Variants in ZNF257 observed in about 807,000 individuals in gnomAD.
ZNF257 encodes zinc finger protein 257, also known as bone marrow zinc finger 4.
ZNF257 carries 12 observed loss-of-function variants against 11.9 expected under a neutral mutation model. That is an observed-to-expected ratio of 1.01 (90% confidence interval 0.65 to 1.63). The LOEUF is 1.63. Ranked by LOEUF, ZNF257 falls within the 40% of genes most tolerant of loss-of-function variation. The probability of loss-of-function intolerance (pLI) is 0.00; values close to 1 mark genes in which losing one functional copy is unlikely to be tolerated. For missense variants in ZNF257, 580 were observed against 665.5 expected, an observed-to-expected ratio of 0.87 and a Z score of 1.41; for synonymous variants, 183 against 222.7, an observed-to-expected ratio of 0.82 and a Z score of 1.59.
chr19:22,085,047 TTTG>T (rs1484007329), intron 3 of ZNF257, among the ~76,000 whole-genome samples: 1 of 150,848 alleles, frequency 6.6e-6, no homozygotes, highest in Non-Finnish European at 1.5e-5. Flanking sequence ...AGTTTTTTTT[TTTG>T]TTGTTGTTGT....
At chr19:22,082,859 G>T (rs979169370) in intron 3 of ZNF257, among the ~76,000 whole-genome samples, 2 of 152,192 alleles carry the variant, frequency 1.3e-5, no homozygotes, top group East Asian at 3.9e-4. Flanking sequence ...TTATAATTGT[G>T]TATGACAATA....
At chr19:22,056,593 G>A (rs1217697721) in intron 1 of ZNF257, among the ~76,000 whole-genome samples, 1 of 149,828 alleles carries the variant, frequency 6.7e-6, no homozygotes, top group Non-Finnish European at 1.5e-5. Flanking sequence ...CTCCTGCCTC[G>A]GCCTCCCGAG....
chr19:22,084,599 A>G (rs2022432389), intron 3 of ZNF257, among the ~76,000 whole-genome samples: 4 of 152,022 alleles, frequency 2.6e-5, no homozygotes, highest in Admixed American at 2.6e-4. Context: ...TACAATATTA[A>G]TTATTTTAAC....
In ZNF257 at chr19:22,061,501, T is replaced by C. The variant is rs1026637820; in HGVS notation, c.3+8866T>C. Among the ~76,000 whole-genome samples, 5 of 152,342 alleles carry C rather than the reference T, an allele frequency of 3.3e-5. No homozygotes were observed. In the East Asian group the frequency reaches 9.7e-4, roughly 29 times the overall value. On this transcript the variant is annotated intron_variant, in intron 1 of 3. Coordinates refer to ENST00000594947, the MANE Select transcript of ZNF257 (RefSeq NM_033468.4). ...ACATTTATTTTGTATCCTGAAACTT[T>C]TCTGCAGTTGTTTGTCAGTTTAAAG...
At chr19:22,078,328 A>G (rs1414754078) in intron 3 of ZNF257, among the ~76,000 whole-genome samples, 1 of 151,536 alleles carries the variant, frequency 6.6e-6, no homozygotes, top group Non-Finnish European at 1.5e-5. Context: ...TCTCTACAAA[A>G]TAGTTATTTT....
chr19:22,053,556 T>C (rs1467826056), intron 1 of ZNF257, among the ~76,000 whole-genome samples: 1 of 152,156 alleles, frequency 6.6e-6, no homozygotes, highest in Non-Finnish European at 1.5e-5. Context: ...TTCCTTGTTA[T>C]GTAATCAGAG....
Position 22,081,364 on chromosome 19 carries a change from G to A in ZNF257, c.227-6613G>A, listed in dbSNP as rs920292537. On this transcript the variant is annotated intron_variant, in intron 3 of 3. Coordinates refer to ENST00000594947, the MANE Select transcript of ZNF257 (RefSeq NM_033468.4). ...CCATAATTATGTCTACCATAATTAT[G>A]CCTACCCACCCAATTATAATTACTA... 3.3e-5 allele frequency among the ~76,000 whole-genome samples: 5 copies of A among 151,578 alleles called. No individual in the cohort carries two copies. The South Asian group carries it at 1.0e-3, about 32-fold the overall frequency.
At position 22,055,979 on chromosome 19, in the gene ZNF257, C is replaced by T. The variant is rs997952477; in HGVS notation, c.3+3344C>T. Among the ~76,000 whole-genome samples the T allele has an allele frequency of 2.0e-5, 3 of 147,620 alleles. No homozygotes were observed. In the Admixed American group the frequency reaches 2.1e-4, roughly 10 times the overall value. On this transcript the variant is annotated intron_variant, in intron 1 of 3. Coordinates refer to ENST00000594947, the MANE Select transcript of ZNF257 (RefSeq NM_033468.4). Reference sequence around the variant, plus strand: ...CTGAGGCAGGAGAATGGCGTGAACCCGGGAGGCGGAGCTTGCAGTGAGCCG... The same window carrying T: ...CTGAGGCAGGAGAATGGCGTGAACCTGGGAGGCGGAGCTTGCAGTGAGCCG...
At position 22,088,851 on chromosome 19, in the gene ZNF257, T is replaced by C. The variant is rs745458145; in HGVS notation, c.1101T>C (p.Thr367=). 5.6e-6 allele frequency: 9 copies of C among 1,613,404 alleles called. No homozygotes were observed. The highest frequency in any genetic ancestry group is 1.3e-5 in the African/African-American group (1 of 74,852). ...SHLTQHKIIH[T]KEKPYKCEEC... is the part of the protein sequence containing the mutation. ...TTACTCAACATAAGATAATTCATAC[T>C]AAAGAGAAACCCTACAAATGTGAAG... Residue 367 remains threonine, a synonymous_variant, in exon 4 of 4, where the codon ACT becomes ACC. Transcript: ENST00000594947.
chr19:22,084,140 CAAA>C (rs373804336), intron 3 of ZNF257, among the ~76,000 whole-genome samples: 4 of 121,870 alleles, frequency 3.3e-5, no homozygotes, highest in African/African-American at 8.5e-5. Flanking sequence ...GACTTCATCT[CAAA>C]AAAAAAAAAA....
intron 1 of ZNF257, among the ~76,000 whole-genome samples, chr19:22,058,014 G>A (rs922740306): frequency 1.4e-4 from 22 of 152,140 alleles, no homozygotes; most frequent in African/African-American, 5.3e-4. Context: ...CACCCACCTC[G>A]GCCTCCCAAA....
At chr19:22,074,680 A>T (rs1568485769) in intron 3 of ZNF257, 2 of 152,116 alleles carry the variant, frequency 1.3e-5, no homozygotes. Context: ...GCTATTGTAA[A>T]TAAGATTTTT....
chr19:22,064,551 TACTG>T (rs1407131955), intron 1 of ZNF257, among the ~76,000 whole-genome samples: 1 of 152,192 alleles, frequency 6.6e-6, no homozygotes, highest in Non-Finnish European at 1.5e-5. Flanking sequence ...GACTAAAAGA[TACTG>T]AGTAGTTTTT....
chr19:22,087,314 C>T (rs2022498064), intron 3 of ZNF257, among the ~76,000 whole-genome samples: 1 of 151,668 alleles, frequency 6.6e-6, no homozygotes, highest in Non-Finnish European at 1.5e-5. Flanking sequence ...CATGGCTAGA[C>T]ATTCTGGGAG....
chr19:22,052,679 G>T (rs1467903667), intron 1 of ZNF257, 44 bp downstream of exon 1: 12 of 1,602,176 alleles, frequency 7.5e-6, no homozygotes, highest in Non-Finnish European at 9.4e-6. Context: ...GGAAGGGGGT[G>T]GTTGGAACCT....
intron 1 of ZNF257, among the ~76,000 whole-genome samples, chr19:22,060,940 G>A (rs1317511711): frequency 6.6e-6 from 1 of 152,138 alleles, no homozygotes; most frequent in East Asian, 1.9e-4. Context: ...TTGTAGGTGT[G>A]CAGAATAAAT....
chr19:22,082,482 G>A (rs925106371), intron 3 of ZNF257, among the ~76,000 whole-genome samples: 6 of 152,102 alleles, frequency 3.9e-5, no homozygotes, highest in Non-Finnish European at 8.8e-5. Context: ...CCACCATGTA[G>A]CATTTTTTAT....
chr19:22,067,467 A>C (rs537489385), intron 1 of ZNF257, among the ~76,000 whole-genome samples: 6 of 148,624 alleles, frequency 4.0e-5, no homozygotes, highest in Non-Finnish European at 8.9e-5. Flanking sequence ...GTAGGTCTTA[A>C]GTTTTGGAAA....
chr19:22,075,787 G>A (rs2022211498), intron 3 of ZNF257: 1 of 152,292 alleles, frequency 6.6e-6, no homozygotes, highest in Non-Finnish European at 1.5e-5. Context: ...ACCCAGGCTG[G>A]TCTTGAAATC....
Sources: allele counts gnomAD v4.1 joint callset (sites outside exome capture counted in the v4.1 genomes callset), GRCh38; gene constraint gnomAD v4.1.1; transcripts MANE v1.5; gene names NCBI Gene and HGNC (gene_info 2026-07-23, HGNC 2026-07-21).